AOPEP: variants seen among roughly 807,000 people sequenced by gnomAD.
AOPEP encodes the protein aminopeptidase O (putative), also known as aminopeptidase O.
In AOPEP, 77 loss-of-function variants were observed where a neutral mutation model predicts 98.1. The observed-to-expected ratio is 0.78, with a 90% CI of 0.65 to 0.95. The LOEUF is 0.95. Among genes scored for constraint, AOPEP ranks in the 40% least tolerant of loss-of-function variants. The pLI is 0.00. For synonymous variants in AOPEP, 346 were observed against 365.3 expected (o/e 0.95, Z 0.60); for missense variants, 1,024 against 1,024.7 (o/e 1.00, Z 0.01).
intron 3 of AOPEP, among the ~76,000 whole-genome samples, chr9:94,774,374 T>C (rs963370706): frequency 4.8e-5 from 7 of 145,512 alleles, no homozygotes; most frequent in African/African-American, 1.8e-4. Flanking sequence ...AACTTTAAAA[T>C]ATACAGAAAA....
intron 5 of AOPEP, among the ~76,000 whole-genome samples, chr9:94,898,366 C>G (rs2049867737): frequency 6.6e-6 from 1 of 151,982 alleles, no homozygotes; most frequent in Non-Finnish European, 1.5e-5. Flanking sequence ...TGTCTGTAAT[C>G]CCAGCACCTT....
intron 7 of AOPEP, among the ~76,000 whole-genome samples, chr9:94,943,777 G>A (rs1193803576): frequency 6.8e-6 from 1 of 147,638 alleles, no homozygotes; most frequent in African/African-American, 2.5e-5. Context: ...ACAATTAGCA[G>A]GGTGTGGTGG....
intron 7 of AOPEP, among the ~76,000 whole-genome samples, chr9:94,936,363 T>C (rs2056276789): frequency 6.6e-6 from 1 of 152,120 alleles, no homozygotes; most frequent in African/African-American, 2.4e-5. Context: ...ACCCCTCCTG[T>C]GGTAGTCAGC....
chr9:94,959,480 A>G (rs1349462576), intron 9 of AOPEP, among the ~76,000 whole-genome samples: 2 of 152,222 alleles, frequency 1.3e-5, no homozygotes, highest in Non-Finnish European at 2.9e-5. Context: ...TTAGTTGATC[A>G]TTAATGTAAG....
chr9:94,738,260 CA>C (rs1366996149), intron 1 of AOPEP, among the ~76,000 whole-genome samples: 1 of 152,112 alleles, frequency 6.6e-6, no homozygotes, highest in Non-Finnish European at 1.5e-5. Flanking sequence ...ACTGAATTCC[CA>C]AAGGAGAAAG....
chr9:94,809,865 C>A (rs356126), intron 5 of AOPEP: 33,673 of 154,860 alleles, frequency 0.22, 5,146 homozygotes, highest in African/African-American at 0.43. Flanking sequence ...GTGCCCTGGG[C>A]TCCCTTCAGC....
rs548285211 is a variant in AOPEP at position 94,825,537 on chromosome 9, C to G, written c.1364+24535C>G. ...AGTCGTTTTAAATAAGTGAAGTAAA[C>G]ATTCCCTTCCAGGGGAGCGCCCTCC... is the stretch of plus-strand genomic sequence containing the variant. On this transcript the variant is annotated intron_variant, in intron 5 of 16. Coordinates refer to ENST00000375315, the MANE Select transcript of AOPEP (RefSeq NM_001193329.3). 9.2e-5 allele frequency among the ~76,000 whole-genome samples: 14 copies of G among 152,360 alleles called. No individual in the cohort carries two copies. The South Asian group carries it at 2.9e-3, about 32-fold the overall frequency.
the AOPEP span, chr9:95,100,172 A>C: frequency 4.3e-6 from 1 of 232,818 alleles, no homozygotes; most frequent in South Asian, 1.8e-4. Context: ...TGTTTGTTAT[A>C]TGAAGGCAAG....
At chr9:95,107,160 C>G in the AOPEP span, 1 of 1,614,182 alleles carries the variant, frequency 6.2e-7, no homozygotes, top group Non-Finnish European at 8.5e-7. Flanking sequence ...TGCAGGAGCT[C>G]TGAGGTCTGT....
At chr9:94,951,736 A>G (rs1048034225) in intron 7 of AOPEP, among the ~76,000 whole-genome samples, 1 of 152,242 alleles carries the variant, frequency 6.6e-6, no homozygotes, top group East Asian at 1.9e-4. Flanking sequence ...GAGCAGCATG[A>G]TGATAGTAAA....
At chr9:95,019,586 C>T (rs1318185683) in intron 13 of AOPEP, 2 of 152,172 alleles carry the variant, frequency 1.3e-5, no homozygotes, top group African/African-American at 2.4e-5. Flanking sequence ...TACCTGTTAC[C>T]CTTTTGCTAA....
intron 7 of AOPEP, among the ~76,000 whole-genome samples, chr9:94,946,882 C>T (rs1056515195): frequency 1.3e-5 from 2 of 151,830 alleles, no homozygotes; most frequent in African/African-American, 4.9e-5. Context: ...ACTGTTATTG[C>T]ACCCCTGGAT....
intron 5 of AOPEP, among the ~76,000 whole-genome samples, chr9:94,906,372 G>A (rs540402097): frequency 1.2e-3 from 179 of 151,622 alleles, no homozygotes; most frequent in African/African-American, 3.8e-3. Flanking sequence ...AGGCTGACGC[G>A]GGAAGATTGC....
chr9:95,005,447 G>A, intron 12 of AOPEP, 95 bp from the exon 13 acceptor site: 1 of 1,257,134 alleles, frequency 8.0e-7, no homozygotes, highest in Non-Finnish European at 1.2e-6. Flanking sequence ...GGGAAGACCA[G>A]GTCGCGAGGC....
chr9:95,096,437 C>T, the AOPEP span, among the ~76,000 whole-genome samples: 7 of 151,670 alleles, frequency 4.6e-5, no homozygotes, highest in East Asian at 9.7e-4. Flanking sequence ...CTGGTGGGTG[C>T]GGGAGGTGGG....
At chr9:94,914,090 AGGCAGC>A (rs2052456489) in intron 5 of AOPEP, among the ~76,000 whole-genome samples, 1 of 152,258 alleles carries the variant, frequency 6.6e-6, no homozygotes, top group African/African-American at 2.4e-5. Flanking sequence ...CTAAGGGGCC[AGGCAGC>A]AATATAAATT....
intron 5 of AOPEP, among the ~76,000 whole-genome samples, chr9:94,801,583 T>C (rs971366478): frequency 6.6e-6 from 1 of 152,204 alleles, no homozygotes; most frequent in Non-Finnish European, 1.5e-5. Context: ...AGGAGTCACG[T>C]GCTACTATTT....
At chr9:95,086,580 G>A in intron 16 of AOPEP, 102 bp from the exon 17 acceptor site, 1 of 992,920 alleles carries the variant, frequency 1.0e-6, no homozygotes, top group Non-Finnish European at 1.2e-6. Context: ...TGTGATTAAA[G>A]TCCTCTCTTG....
Position 95,086,814 on chromosome 9 carries a change from G to T in AOPEP, c.*137G>T, listed in dbSNP as rs1395220579. On this transcript the variant is annotated 3_prime_UTR_variant, in exon 17 of 17. Transcript: ENST00000375315. ...GGCCCACAGCCCTGTTCACATCTTG[G>T]TGCTTCTCTTTCCCAGAGGCTGGTC... 2.0e-6 allele frequency: 2 copies of T among 987,866 alleles called. No homozygotes were observed. Among genetic ancestry groups the T allele is most frequent in the East Asian group, 1.1e-4 (1 of 8,780 alleles). 61.2% of individuals were successfully genotyped at this position (987,866 alleles called of 1,614,324 possible). A position where few individuals can be genotyped will look rare whatever the true frequency, so the allele number is the denominator to read the frequency against.
Sources: gnomAD v4.1 joint callset for allele counts (sites outside exome capture counted in the v4.1 genomes callset) on GRCh38, gnomAD v4.1.1 for gene constraint, MANE v1.5 for transcripts, NCBI Gene and HGNC (gene_info 2026-07-23, HGNC 2026-07-21) for gene names.